Variants in UTRN observed in about 807,000 individuals in gnomAD.
UTRN encodes utrophin.
Under a neutral mutation model 463.9 loss-of-function variants are expected in UTRN, and 283 were observed. The ratio of observed to expected loss-of-function variants is 0.61; its 90% CI spans 0.55 to 0.67. The LOEUF is 0.67. UTRN is among the 30% of genes least tolerant of loss of function. UTRN has a pLI of 0.00. For missense variants in UTRN, 3,922 were observed against 4,084.3 expected (o/e 0.96, Z 1.08); for synonymous variants, 1,442 against 1,431.5 (o/e 1.01, Z -0.17).
chr6:144,435,966 C>G lies in UTRN; in HGVS notation c.887C>G (p.Pro296Arg). The change falls in exon 10 of 75, where the codon CCC (proline) becomes CGC (arginine). Residue 296 changes from proline (P) to arginine (R), a missense_variant. By Grantham distance (103) the Pro-to-Arg change is moderately radical. Around this residue, in one of 3 missense-constraint regions of UTRN, gnomAD observed 2,349 missense variants for 2,303.8 expected, o/e 1.02. Coordinates refer to ENST00000367545, the MANE Select transcript of UTRN (RefSeq NM_007124.3). Reference protein sequence around the residue: ...STAPEEEHESPRAETPSTVTE... With the variant: ...STAPEEEHESRRAETPSTVTE... ...GCGCCTGAGGAGGAGCATGAGAGTC[C>G]CCGAGCTGAAACTCCCAGCACTGTC... The G allele has an allele frequency of 6.2e-7, 1 of 1,614,062 alleles. No homozygotes were observed. Among genetic ancestry groups the G allele is most frequent in the Non-Finnish European group, 8.5e-7 (1 of 1,180,036 alleles).
In UTRN at chr6:144,557,223, C is replaced by T. The variant is rs368825322; in HGVS notation, c.7201C>T (p.Leu2401Phe). ...GGCGTTCGATAACGTCCTGCAGAAA[C>T]TCCTGGAGGAATATGGGAGTGATGA... ...VMAFDNVLQKLLEEYGSDDTR... is the reference protein window; with the variant it reads ...VMAFDNVLQKFLEEYGSDDTR... Residue 2401 changes from leucine to phenylalanine, a missense_variant, in exon 50 of 75, where the codon CTC becomes TTC. Around this residue, in one of 3 missense-constraint regions of UTRN, gnomAD observed 1,309 missense variants for 1,452.6 expected, o/e 0.90. Transcript: ENST00000367545. 1.2e-6 allele frequency: 2 copies of T among 1,613,972 alleles called. No homozygotes were observed. The highest frequency in any genetic ancestry group is 8.5e-7 in the Non-Finnish European group (1 of 1,179,904).
chr6:144,478,535 G>C (rs1291508996), intron 25 of UTRN, among the ~76,000 whole-genome samples: 2 of 152,154 alleles, frequency 1.3e-5, no homozygotes, highest in Non-Finnish European at 2.9e-5. Context: ...TCAGCTCCTT[G>C]GTTACCCTGT....
At chr6:144,519,761 T>G (rs1206728131) in intron 39 of UTRN, among the ~76,000 whole-genome samples, 2 of 152,182 alleles carry the variant, frequency 1.3e-5, no homozygotes, top group Non-Finnish European at 2.9e-5. Flanking sequence ...AAAGAGGCAG[T>G]CTTAATGAAT....
chr6:144,416,504 C>T (rs1784377083), intron 3 of UTRN, among the ~76,000 whole-genome samples: 1 of 152,154 alleles, frequency 6.6e-6, no homozygotes, highest in Non-Finnish European at 1.5e-5. Flanking sequence ...CGCTAGACCC[C>T]CCTGGCTTCT....
chr6:144,319,996 G>A (rs932853312), intron 2 of UTRN, among the ~76,000 whole-genome samples: 1 of 152,056 alleles, frequency 6.6e-6, no homozygotes, highest in African/African-American at 2.4e-5. Flanking sequence ...TGGGATTACA[G>A]GCACGTGCCA....
rs561543241 is a variant in UTRN, at chr6:144,699,352, A to G, written c.7653-735A>G. On this transcript the variant is annotated intron_variant, in intron 52 of 74. Transcript: ENST00000367545. ...GTATTCAGGAGGCTGAGGCAGCAGAATAGTTTGAACCCAGGAGGCAGAGGT... is the reference window on the plus strand; with the variant it reads ...GTATTCAGGAGGCTGAGGCAGCAGAGTAGTTTGAACCCAGGAGGCAGAGGT... Among the ~76,000 whole-genome samples, 4 of 151,976 alleles carry G rather than the reference A, an allele frequency of 2.6e-5. 1 individual carries two copies. In the South Asian group the frequency reaches 6.2e-4, roughly 24 times the overall value.
At chr6:144,452,823 C>T (rs1418239401) in intron 18 of UTRN, among the ~76,000 whole-genome samples, 1 of 150,876 alleles carries the variant, frequency 6.6e-6, no homozygotes, top group Admixed American at 6.6e-5. Flanking sequence ...GCACTTGTAA[C>T]TCCAACTACT....
chr6:144,652,782 C>T (rs1005889106), intron 51 of UTRN, among the ~76,000 whole-genome samples: 1 of 152,154 alleles, frequency 6.6e-6, no homozygotes, highest in Non-Finnish European at 1.5e-5. Flanking sequence ...TTCTGTCTGT[C>T]CCTTAGAAAA....
intron 53 of UTRN, among the ~76,000 whole-genome samples, chr6:144,701,662 C>T (rs533193172): frequency 6.6e-6 from 1 of 152,226 alleles, no homozygotes; most frequent in Admixed American, 6.5e-5. Context: ...CATTCTAAAT[C>T]TGGTCATTTT....
intron 11 of UTRN, 116 bp from the exon 12 acceptor site, chr6:144,438,629 T>G: frequency 7.7e-7 from 1 of 1,293,406 alleles, no homozygotes; most frequent in Non-Finnish European, 1.1e-6. Flanking sequence ...AATGCTACCT[T>G]GAATGTTTAG....
rs139403938 is a variant in UTRN, at chr6:144,548,762, G to A, written c.6718G>A (p.Asp2240Asn). The change falls in exon 47 of 75, where the codon GAC becomes AAC. Residue 2240 changes from aspartate (D) to asparagine (N), a missense_variant. Physicochemically the swap from Asp to Asn is conservative, Grantham distance 23. Coordinates refer to ENST00000367545, the MANE Select transcript of UTRN (RefSeq NM_007124.3). Reference protein sequence around the residue: ...DLDKTITELADWLVLIDQMLK... With the variant: ...DLDKTITELANWLVLIDQMLK... Reference sequence around the variant, plus strand: ...TGATAAAACTATAACAGAACTAGCCGACTGGCTGGTATTAATCGACCAGAT... The same window carrying A: ...TGATAAAACTATAACAGAACTAGCCAACTGGCTGGTATTAATCGACCAGAT... 3.3e-4 allele frequency: 527 copies of A among 1,613,968 alleles called. 1 individual carries two copies. Among genetic ancestry groups the A allele is most frequent in the Admixed American group, 1.8e-3 (111 of 60,016 alleles).
rs1201179692 is a variant in UTRN, at chr6:144,611,407, G to A, written c.7479+34119G>A. Among the ~76,000 whole-genome samples the A allele has an allele frequency of 2.0e-5, 3 of 152,276 alleles. No homozygotes were observed. In the East Asian group the frequency reaches 5.8e-4, roughly 29 times the overall value. On this transcript the variant is annotated intron_variant, in intron 51 of 74. Coordinates refer to ENST00000367545, the MANE Select transcript of UTRN (RefSeq NM_007124.3). ...GAAAGAAATTAAAGGCATTCTTACA[G>A]GAATGGAAGAAATGAAATTGTCTCC...
At chr6:144,585,866 A>G (rs966135339) in intron 51 of UTRN, among the ~76,000 whole-genome samples, 2 of 152,130 alleles carry the variant, frequency 1.3e-5, no homozygotes, top group Non-Finnish European at 2.9e-5. Context: ...GTATCTCCAT[A>G]AAAATACAGA....
intron 2 of UTRN, among the ~76,000 whole-genome samples, chr6:144,389,602 T>C (rs1029158590): frequency 3.3e-5 from 5 of 151,578 alleles, no homozygotes; most frequent in Admixed American, 3.3e-4. Flanking sequence ...ATTACTCTTT[T>C]TTTTTTCCCC....
chr6:144,756,318 G>A (rs17074127), intron 57 of UTRN, among the ~76,000 whole-genome samples: 5,051 of 152,086 alleles, frequency 0.033, 120 homozygotes, highest in East Asian at 0.05. Flanking sequence ...CTTTCACCTA[G>A]CAATCACTCT....
intron 3 of UTRN, among the ~76,000 whole-genome samples, chr6:144,404,219 A>G (rs1584637178): frequency 6.6e-6 from 1 of 152,212 alleles, no homozygotes. Context: ...TGTAAGGAAC[A>G]TGAAAACCAA....
At chr6:144,836,636 C>A in intron 71 of UTRN, 95 bp downstream of exon 71, 1 of 1,516,598 alleles carries the variant, frequency 6.6e-7, no homozygotes, top group East Asian at 2.4e-5. Flanking sequence ...GCAGAGAAGT[C>A]CACTTTCAAT....
intron 53 of UTRN, 136 bp from the exon 54 acceptor site, chr6:144,730,221 G>T (rs775768582): frequency 1.3e-4 from 122 of 965,502 alleles, no homozygotes; most frequent in Non-Finnish European, 1.7e-4. Flanking sequence ...TTACATTTTG[G>T]CTTCTAACTT....
At chr6:144,572,766 A>G (rs1801071823) in intron 50 of UTRN, among the ~76,000 whole-genome samples, 1 of 152,120 alleles carries the variant, frequency 6.6e-6, no homozygotes, top group South Asian at 2.1e-4. Flanking sequence ...CATGTTGTAT[A>G]TGTGCCACAT....
Sources: allele counts gnomAD v4.1 joint callset (sites outside exome capture counted in the v4.1 genomes callset), GRCh38; gene constraint gnomAD v4.1.1; regional missense constraint gnomAD v4.1.1; transcripts MANE v1.5; gene names NCBI Gene and HGNC (gene_info 2026-07-23, HGNC 2026-07-21).